EYS: variants seen among roughly 807,000 people sequenced by gnomAD.
EYS encodes the protein EGF-like photoreceptor maintenance factor.
In EYS, 250 loss-of-function variants were observed where a neutral mutation model predicts 282.1. The observed-to-expected ratio is 0.89, with a 90% CI of 0.80 to 0.98. The LOEUF (loss-of-function observed/expected upper bound fraction) is 0.98, where lower values mean the gene tolerates loss of function less well. EYS is among the 50% of genes least tolerant of loss of function. The probability of loss-of-function intolerance (pLI) is 0.00; values close to 1 mark genes in which losing one functional copy is unlikely to be tolerated. For synonymous variants in EYS, 1,355 were observed against 1,282.9 expected (o/e 1.06, Z -1.20); for missense variants, 4,016 against 3,709.0 (o/e 1.08, Z -2.15).
chr6:64,915,407 A>T (rs1029206907), intron 15 of EYS, among the ~76,000 whole-genome samples: 6 of 152,158 alleles, frequency 3.9e-5, no homozygotes, highest in African/African-American at 1.4e-4. Context: ...AAGAATTGAT[A>T]TAAGGTCCTC....
intron 30 of EYS, among the ~76,000 whole-genome samples, chr6:64,257,503 A>T (rs1391909844): frequency 2.0e-5 from 3 of 152,052 alleles, no homozygotes; most frequent in Non-Finnish European, 4.4e-5. Flanking sequence ...ATCATATATT[A>T]TTAGAATTAT....
At chr6:64,587,844 T>TTGAAAAAACTAAGAC (rs1766280402) in intron 26 of EYS, among the ~76,000 whole-genome samples, 1 of 152,058 alleles carries the variant, frequency 6.6e-6, no homozygotes, top group Non-Finnish European at 1.5e-5. Flanking sequence ...TATGGATTAA[T>TTGAAAAAACTAAGAC]TGAAAAAACT....
In EYS at chr6:65,140,684, T is replaced by C. The variant is rs539782002; in HGVS notation, c.2024-82957A>G. On this transcript the variant is annotated intron_variant, in intron 12 of 42. Transcript: ENST00000503581. The stretch of plus-strand genomic sequence containing the variant: ...ACCCCATCAAAAAGTGGGCAAAGGA[T>C]ATGAACAGACACATCTCAAAAGAAG... 3.3e-5 allele frequency among the ~76,000 whole-genome samples: 5 copies of C among 151,950 alleles called. No homozygotes were observed. In the South Asian group the frequency reaches 1.0e-3, roughly 32 times the overall value.
chr6:63,829,879 T>C (rs1771578405), intron 36 of EYS, among the ~76,000 whole-genome samples: 1 of 152,136 alleles, frequency 6.6e-6, no homozygotes, highest in Admixed American at 6.5e-5. Flanking sequence ...AGAGGAAGGA[T>C]CAGGCAGCAA....
At chr6:64,449,244 G>C (rs1775228163) in intron 26 of EYS, among the ~76,000 whole-genome samples, 2 of 152,126 alleles carry the variant, frequency 1.3e-5, no homozygotes, top group Non-Finnish European at 2.9e-5. Flanking sequence ...TCAACTGGAA[G>C]AAAGGGTATC....
chr6:63,727,357 T>C (rs1349961009), intron 41 of EYS, among the ~76,000 whole-genome samples: 1 of 152,114 alleles, frequency 6.6e-6, no homozygotes, highest in Non-Finnish European at 1.5e-5. Flanking sequence ...TTCTCCCTGC[T>C]CTGTGGACCA....
intron 26 of EYS, among the ~76,000 whole-genome samples, chr6:64,488,874 G>A (rs986059069): frequency 1.3e-5 from 2 of 150,876 alleles, no homozygotes; most frequent in African/African-American, 4.8e-5. Context: ...GAGTTGTTAG[G>A]AGAAGTAACA....
rs201362067 is a variant in EYS at position 65,344,030 on chromosome 6, T to G, written c.1599+8A>C. ...AAAATGAAAAGCAACTACATAAAAT[T>G]ACCTTACCTCTTTTGTGCCTTCATG... On this transcript the variant is annotated splice_region_variant and intron_variant, in intron 10 of 42. Coordinates refer to ENST00000503581, the MANE Select transcript of EYS (RefSeq NM_001142800.2). The G allele has an allele frequency of 6.2e-7, 1 of 1,608,346 alleles. No homozygotes were observed. The highest frequency in any genetic ancestry group is 8.5e-7 in the Non-Finnish European group (1 of 1,176,248).
chr6:64,427,609 T>C (rs1310968611), intron 28 of EYS, among the ~76,000 whole-genome samples: 1 of 152,116 alleles, frequency 6.6e-6, no homozygotes, highest in South Asian at 2.1e-4. Flanking sequence ...TTGAGAAGAT[T>C]TGATGTAAAC....
chr6:63,800,666 G>T (rs961061378), intron 37 of EYS, among the ~76,000 whole-genome samples: 1 of 152,144 alleles, frequency 6.6e-6, no homozygotes, highest in South Asian at 2.1e-4. Context: ...CTAGCTGGGC[G>T]TGGTGGTGGG....
At chr6:64,335,361 T>A (rs1018713709) in intron 29 of EYS, among the ~76,000 whole-genome samples, 2 of 151,562 alleles carry the variant, frequency 1.3e-5, no homozygotes, top group African/African-American at 4.9e-5. Flanking sequence ...TCAAAGTTTA[T>A]TACAGGCCCA....
chr6:63,737,884 T>C (rs558447121), intron 41 of EYS, among the ~76,000 whole-genome samples: 1 of 150,346 alleles, frequency 6.7e-6, no homozygotes, highest in Non-Finnish European at 1.5e-5. Flanking sequence ...CAAACAAATT[T>C]ACAAGAAAAA....
intron 31 of EYS, among the ~76,000 whole-genome samples, chr6:64,155,980 A>T (rs1190229374): frequency 1.3e-5 from 2 of 150,318 alleles, no homozygotes; most frequent in Admixed American, 6.7e-5. Context: ...CATATCATTT[A>T]TATATATATA....
chr6:64,142,978 A>G (rs1009656471), intron 31 of EYS, among the ~76,000 whole-genome samples: 4 of 152,250 alleles, frequency 2.6e-5, no homozygotes, highest in Non-Finnish European at 5.9e-5. Flanking sequence ...TATCCAAACA[A>G]TGAATATTAT....
In EYS at chr6:64,436,198, C is replaced by T. The variant is rs754069174; in HGVS notation, c.5903G>A (p.Gly1968Glu). The T allele has an allele frequency of 9.1e-6, 14 of 1,540,344 alleles. No homozygotes were observed. Among genetic ancestry groups the T allele is most frequent in the African/African-American group, 1.4e-5 (1 of 72,624 alleles). Residue 1968 changes from glycine to glutamate, a missense_variant, in exon 28 of 43, where the codon GGG becomes GAG. Transcript: ENST00000503581. ...SINTTVRVDNGQKYTLLIRQE... is the reference protein window; with the variant it reads ...SINTTVRVDNEQKYTLLIRQE... ...CCTGATAAGCAGTGTATACTTTTGC[C>T]CGTTGTCCACTCTAACAGTAGTATT...
At chr6:63,872,455 A>C (rs1354753303) in intron 35 of EYS, among the ~76,000 whole-genome samples, 2 of 146,334 alleles carry the variant, frequency 1.4e-5, no homozygotes, top group Non-Finnish European at 3.0e-5. Flanking sequence ...AATGGCTCCT[A>C]CATCCACTAT....
chr6:63,794,236 T>C (rs1294964618), intron 37 of EYS, among the ~76,000 whole-genome samples: 1 of 152,246 alleles, frequency 6.6e-6, no homozygotes, highest in African/African-American at 2.4e-5. Flanking sequence ...TGCATATTTC[T>C]TTCCTCTTCT....
intron 33 of EYS, among the ~76,000 whole-genome samples, chr6:64,028,793 G>C (rs1055524123): frequency 1.3e-5 from 2 of 152,122 alleles, no homozygotes; most frequent in African/African-American, 2.4e-5. Flanking sequence ...CAGAAGCCTC[G>C]TGCCAGCAGG....
chr6:64,688,097 T>A (rs1311963005), intron 22 of EYS, among the ~76,000 whole-genome samples: 1 of 152,162 alleles, frequency 6.6e-6, no homozygotes, highest in Non-Finnish European at 1.5e-5. Flanking sequence ...TTATTGTGTC[T>A]ATTTGATTCT....
Sources: gnomAD v4.1 joint callset for allele counts (sites outside exome capture counted in the v4.1 genomes callset) on GRCh38, gnomAD v4.1.1 for gene constraint, MANE v1.5 for transcripts, NCBI Gene and HGNC (gene_info 2026-07-23, HGNC 2026-07-21) for gene names.